The following GALNT18 variants were observed in gnomAD, a reference collection of about 807,000 sequenced individuals.
GALNT18 encodes the protein GalNAc-transferase 18.
Under a neutral mutation model 69.5 loss-of-function variants are expected in GALNT18, and 44 were observed. That is an observed-to-expected ratio of 0.63 (90% CI 0.50 to 0.81). GALNT18 has a LOEUF of 0.81. Among genes scored for constraint, GALNT18 ranks in the 40% least tolerant of loss-of-function variants. The pLI is 0.00. For synonymous variants in GALNT18, 364 were observed against 318.2 expected (o/e 1.14, Z -1.53); for missense variants, 715 against 810.0 (o/e 0.88, Z 1.42).
intron 1 of GALNT18, among the ~76,000 whole-genome samples, chr11:11,565,231 C>A (rs866177114): frequency 6.6e-5 from 10 of 152,368 alleles, no homozygotes; most frequent in African/African-American, 2.4e-4. Context: ...ATGCTCAGCA[C>A]ACTCAGTGCT....
rs913468203 is a variant in GALNT18, at chr11:11,583,628, G to C, written c.235+37731C>G. Among the ~76,000 whole-genome samples, 1 of 152,158 alleles carries C rather than the reference G, an allele frequency of 6.6e-6. No individual in the cohort carries two copies. The highest frequency in any genetic ancestry group is 1.5e-5 in the Non-Finnish European group (1 of 68,038). ...AAATGTAGGACATCCAAAGACCAGA[G>C]GTCCCATGAGACGCCACTTCTTCAA... is the stretch of plus-strand genomic sequence containing the variant. On this transcript the variant is annotated intron_variant, in intron 1 of 10. Transcript: ENST00000227756. This position sits in a 1 kb window ranked among gnomAD's most constrained non-coding sequence, Gnocchi z 4.7.
intron 6 of GALNT18, among the ~76,000 whole-genome samples, chr11:11,365,571 T>C (rs1850747246): frequency 6.6e-6 from 1 of 152,178 alleles, no homozygotes; most frequent in Non-Finnish European, 1.5e-5. Context: ...GGAATCACCA[T>C]ACTGTCTTCC....
At chr11:11,487,886 C>T (rs988982679) in intron 1 of GALNT18, among the ~76,000 whole-genome samples, 3 of 152,158 alleles carry the variant, frequency 2.0e-5, no homozygotes, top group South Asian at 2.1e-4. Context: ...ACACTGCCTG[C>T]CCCTAGTGCA....
intron 10 of GALNT18, among the ~76,000 whole-genome samples, chr11:11,280,695 G>A (rs1016861046): frequency 2.0e-5 from 3 of 152,156 alleles, no homozygotes; most frequent in African/African-American, 7.2e-5. Context: ...GCTAATTTCT[G>A]CCCCTCAGGA....
chr11:11,278,655 A>G (rs1213430852), intron 10 of GALNT18, among the ~76,000 whole-genome samples: 3 of 152,154 alleles, frequency 2.0e-5, no homozygotes, highest in Admixed American at 6.5e-5. Context: ...AAAATTAAAA[A>G]AAAAATTGAA....
At chr11:11,394,646 G>A (rs1372425798) in intron 3 of GALNT18, among the ~76,000 whole-genome samples, 1 of 152,186 alleles carries the variant, frequency 6.6e-6, no homozygotes, top group Non-Finnish European at 1.5e-5. Flanking sequence ...CAAGTCATGG[G>A]CTCCTCACTA....
At chr11:11,473,145 G>A (rs1482281211) in intron 1 of GALNT18, among the ~76,000 whole-genome samples, 1 of 152,042 alleles carries the variant, frequency 6.6e-6, no homozygotes, top group East Asian at 1.9e-4. Context: ...CCCATCCCTG[G>A]TACATACAGG....
At position 11,413,030 on chromosome 11, in the gene GALNT18, G is replaced by T. The variant is rs1312039677; in HGVS notation, c.595+19591C>A. Among the ~76,000 whole-genome samples, 1 of 152,158 alleles carries T rather than the reference G, an allele frequency of 6.6e-6. No individual in the cohort carries two copies. The highest frequency in any genetic ancestry group is 1.5e-5 in the Non-Finnish European group (1 of 68,038). Reference sequence around the variant, plus strand: ...ACCTATTTCCCAGAGTATCCCAAAAGGATTAAGATCTTCCCACAGTGGTGC... The same window carrying T: ...ACCTATTTCCCAGAGTATCCCAAAATGATTAAGATCTTCCCACAGTGGTGC... On this transcript the variant is annotated intron_variant, in intron 3 of 10. Transcript: ENST00000227756. The surrounding 1 kb of genome is among the most constrained non-coding windows in gnomAD (Gnocchi z 4.7).
At chr11:11,519,981 C>T (rs1369632822) in intron 1 of GALNT18, among the ~76,000 whole-genome samples, 1 of 152,198 alleles carries the variant, frequency 6.6e-6, no homozygotes, top group Non-Finnish European at 1.5e-5. Flanking sequence ...AGCCAAAGAC[C>T]CGGAAGAGGT....
intron 6 of GALNT18, among the ~76,000 whole-genome samples, chr11:11,371,420 A>G (rs2133673764): frequency 6.6e-6 from 1 of 152,352 alleles, no homozygotes; most frequent in Middle Eastern, 3.4e-3. Context: ...TCAGATGCAG[A>G]CACTAAGGCC....
chr11:11,615,367 A>T (rs551243566), intron 1 of GALNT18, among the ~76,000 whole-genome samples: 8 of 152,338 alleles, frequency 5.3e-5, no homozygotes, highest in African/African-American at 1.9e-4. Flanking sequence ...ACATAATATG[A>T]CTAACAAACT....
At chr11:11,408,640 G>T (rs1455190299) in intron 3 of GALNT18, among the ~76,000 whole-genome samples, 1 of 152,128 alleles carries the variant, frequency 6.6e-6, no homozygotes, top group African/African-American at 2.4e-5. Flanking sequence ...GTCTCTGTGG[G>T]GAACTGGCAA....
chr11:11,510,054 A>G (rs533678137), intron 1 of GALNT18, among the ~76,000 whole-genome samples: 2 of 152,326 alleles, frequency 1.3e-5, no homozygotes, highest in Admixed American at 6.5e-5. Context: ...ACTATGGCCC[A>G]GTGAGTACCA....
At chr11:11,344,975 C>T (rs902591049) in intron 6 of GALNT18, among the ~76,000 whole-genome samples, 1 of 152,174 alleles carries the variant, frequency 6.6e-6, no homozygotes, top group African/African-American at 2.4e-5. Flanking sequence ...TGTGTGTGTG[C>T]CTATTATTAT....
rs1850956889 is a variant in GALNT18, at chr11:11,373,302, AG to A, written c.978-674del. Among the ~76,000 whole-genome samples the A allele has an allele frequency of 3.3e-5, 5 of 152,150 alleles. No individual in the cohort carries two copies. The South Asian group carries it at 1.0e-3, about 32-fold the overall frequency. On this transcript the variant is annotated intron_variant, in intron 5 of 10. Coordinates refer to ENST00000227756, the MANE Select transcript of GALNT18 (RefSeq NM_198516.3). ...GAAAAATGATGGAGAGCTGAGTCAGAGTATCAGGAACAGAGATAGGAATTTT... is the reference window on the plus strand; with the variant it reads ...GAAAAATGATGGAGAGCTGAGTCAGATATCAGGAACAGAGATAGGAATTTT...
intron 1 of GALNT18, among the ~76,000 whole-genome samples, chr11:11,549,804 C>A (rs1265799120): frequency 6.6e-6 from 1 of 152,218 alleles, no homozygotes; most frequent in Non-Finnish European, 1.5e-5. Context: ...GGAGGAGAAC[C>A]TAACCCACAC....
chr11:11,273,979 G>A (rs973652167), intron 10 of GALNT18, among the ~76,000 whole-genome samples: 1 of 152,130 alleles, frequency 6.6e-6, no homozygotes, highest in Non-Finnish European at 1.5e-5. Context: ...TCCAACTGAG[G>A]GACCTGGTTC....
chr11:11,445,872 C>T (rs1394128973), intron 2 of GALNT18, among the ~76,000 whole-genome samples: 1 of 152,124 alleles, frequency 6.6e-6, no homozygotes, highest in African/African-American at 2.4e-5. Flanking sequence ...GACGATTGCT[C>T]CTCTCCAGCA....
At chr11:11,515,378 G>A (rs10831624) in intron 1 of GALNT18, among the ~76,000 whole-genome samples, 82,440 of 150,452 alleles carry the variant, frequency 0.55, 22,954 homozygotes, top group East Asian at 0.83. Flanking sequence ...CTGGAGGTTC[G>A]GATACACCCT....
Sources: gnomAD v4.1 joint callset for allele counts (sites outside exome capture counted in the v4.1 genomes callset) on GRCh38, gnomAD v4.1.1 for gene constraint, Gnocchi (gnomAD v3.1) non-coding constraint, MANE v1.5 for transcripts, NCBI Gene and HGNC (gene_info 2026-07-23, HGNC 2026-07-21) for gene names.